DYNC1H1: variants seen among roughly 807,000 people sequenced by gnomAD.
The protein encoded by DYNC1H1 is dynein cytoplasmic 1 heavy chain 1, also known as cytoplasmic dynein 1 heavy chain 1.
In DYNC1H1, 51 loss-of-function variants were observed where a neutral mutation model predicts 527.1. That is an observed-to-expected ratio of 0.10 (90% CI 0.08 to 0.12). The LOEUF is 0.12. Ranked by LOEUF, DYNC1H1 falls within the 10% of genes least tolerant of loss-of-function variation. The probability of loss-of-function intolerance (pLI) is 1.00; values close to 1 mark genes in which losing one functional copy is unlikely to be tolerated. For missense variants in DYNC1H1, 2,771 were observed against 5,971.8 expected (o/e 0.46, Z 17.66); for synonymous variants, 2,189 against 2,278.8 (o/e 0.96, Z 1.12).
intron 7 of DYNC1H1, among the ~76,000 whole-genome samples, chr14:101,984,932 CAAAA>C (rs773102943): frequency 5.0e-5 from 2 of 40,154 alleles, no homozygotes; most frequent in South Asian, 1.1e-3. Context: ...GGCTCCGTCT[CAAAA>C]AAAAAAAAAA....
chr14:102,048,692 G>A, intron 74 of DYNC1H1, 23 bp downstream of exon 74: 1 of 1,611,280 alleles, frequency 6.2e-7, no homozygotes. Context: ...CCGAACTCGT[G>A]GTGTGGCTTC....
Position 102,018,949 on chromosome 14 carries a change from A to C in DYNC1H1, c.8343+333A>C, listed in dbSNP as rs2048354890. On this transcript the variant is annotated intron_variant, in intron 41 of 77. Coordinates refer to ENST00000360184, the MANE Select transcript of DYNC1H1 (RefSeq NM_001376.5). The surrounding 1 kb of genome is among the most constrained non-coding windows in gnomAD (Gnocchi z 5.2). ...GGGTGACAGAGTGAGACTCTACCTCAAAATAAAATGAGAAGTTTATTGAAA... is the reference window on the plus strand; with the variant it reads ...GGGTGACAGAGTGAGACTCTACCTCCAAATAAAATGAGAAGTTTATTGAAA... Among the ~76,000 whole-genome samples, 1 of 152,216 alleles carries C rather than the reference A, an allele frequency of 6.6e-6. No individual in the cohort carries two copies. The highest frequency in any genetic ancestry group is 2.4e-5 in the African/African-American group (1 of 41,456).
intron 15 of DYNC1H1, among the ~76,000 whole-genome samples, chr14:101,996,022 CCACTG>C (rs2048057500): frequency 6.6e-6 from 1 of 151,714 alleles, no homozygotes; most frequent in Admixed American, 6.6e-5. Flanking sequence ...TGAGATTGTG[CCACTG>C]CACTCCAGCC....
chr14:101,993,851 C>T (rs140196734), intron 11 of DYNC1H1, among the ~76,000 whole-genome samples: 14 of 152,334 alleles, frequency 9.2e-5, no homozygotes, highest in African/African-American at 3.1e-4. Flanking sequence ...TCCCTGTGAG[C>T]AGGGATTTTT....
chr14:102,043,562 A>G, intron 69 of DYNC1H1: 6 of 396,632 alleles, frequency 1.5e-5, no homozygotes, highest in Non-Finnish European at 1.9e-5. Context: ...GAGGAGGGGG[A>G]TTGTGGCAGG....
rs1402797299 is a variant in DYNC1H1, at chr14:101,965,472, G to C, written c.256+525G>C. ...CTGGGGGCAGCCGGGGTTCTGGTTC[G>C]GGAGGAGGTCGGGCGGGTGTCCCAG... On this transcript the variant is annotated intron_variant, in intron 1 of 77. Transcript: ENST00000360184. The surrounding 1 kb of genome is among the most constrained non-coding windows in gnomAD (Gnocchi z 4.1). Among the ~76,000 whole-genome samples, 1 of 152,242 alleles carries C rather than the reference G, an allele frequency of 6.6e-6. No individual in the cohort carries two copies. Among genetic ancestry groups the C allele is most frequent in the African/African-American group, 2.4e-5 (1 of 41,480 alleles).
In DYNC1H1 at chr14:102,016,185, C is replaced by T. The variant is rs1280749741; in HGVS notation, c.7473+99C>T. The stretch of plus-strand genomic sequence containing the variant: ...GCACCTGTGGGGATGTGCGCTCTCT[C>T]CTAGGCGAGGCAGAGCCTTCGTTGA... On this transcript the variant is annotated intron_variant, in intron 36 of 77. Transcript: ENST00000360184. The surrounding 1 kb of genome is among the most constrained non-coding windows in gnomAD (Gnocchi z 7.3). The T allele has an allele frequency of 6.6e-6, 10 of 1,518,452 alleles. No individual in the cohort carries two copies. The highest frequency in any genetic ancestry group is 8.9e-6 in the Non-Finnish European group (10 of 1,119,754). The allele number at this position is 1,518,452 out of a possible 1,614,324, so 94.1% of individuals were successfully genotyped here. A position where few individuals can be genotyped will look rare whatever the true frequency, so the allele number is the denominator to read the frequency against.
chr14:102,001,410 T>C lies in DYNC1H1; in HGVS notation c.4395+56T>C. ...GTTGTGTTTCGGGCTGTTACATAGA[T>C]CTGAGCTATGTAAAAATGGAGCCTT... On this transcript the variant is annotated intron_variant, in intron 20 of 77. Transcript: ENST00000360184. This position sits in a 1 kb window ranked among gnomAD's most constrained non-coding sequence, Gnocchi z 5.0. 6.2e-7 allele frequency: 1 copy of C among 1,613,420 alleles called. No individual in the cohort carries two copies. The highest frequency in any genetic ancestry group is 1.1e-5 in the South Asian group (1 of 90,970).
rs776988022 is a variant in DYNC1H1 at position 102,016,126 on chromosome 14, G to A, written c.7473+40G>A. On this transcript the variant is annotated intron_variant, in intron 36 of 77. Coordinates refer to ENST00000360184, the MANE Select transcript of DYNC1H1 (RefSeq NM_001376.5). This position sits in a 1 kb window ranked among gnomAD's most constrained non-coding sequence, Gnocchi z 7.3. ...GGGGCTTCACAGAGCTCACCACTGC[G>A]CCAGACCACAGGTCTGAGGACCTCT... 32 of 1,567,576 alleles carry A rather than the reference G, an allele frequency of 2.0e-5. No individual in the cohort carries two copies. Among genetic ancestry groups the A allele is most frequent in the Admixed American group, 1.9e-4 (10 of 53,310 alleles).
rs561083961 is a variant in DYNC1H1 at position 101,965,015 on chromosome 14, C to T, written c.256+68C>T. 88 of 1,501,488 alleles carry T rather than the reference C, an allele frequency of 5.9e-5. No individual in the cohort carries two copies. The highest frequency in any genetic ancestry group is 3.9e-5 in the Non-Finnish European group (43 of 1,114,944). 93.0% of individuals were successfully genotyped at this position (1,501,488 alleles called of 1,614,324 possible). On this transcript the variant is annotated intron_variant, in intron 1 of 77. Coordinates refer to ENST00000360184, the MANE Select transcript of DYNC1H1 (RefSeq NM_001376.5). The surrounding 1 kb of genome is among the most constrained non-coding windows in gnomAD (Gnocchi z 4.1). ...CGGAATGCAGGGCCTGCCAGGTCCT[C>T]CGGGGTCGCAGATGTCCCCGGGATG... is the stretch of plus-strand genomic sequence containing the variant.
At chr14:102,048,849 A>G (rs1320093638) in intron 74 of DYNC1H1, 180 bp downstream of exon 74, 1 of 760,494 alleles carries the variant, frequency 1.3e-6, no homozygotes, top group African/African-American at 1.8e-5. Flanking sequence ...AGAAATGCTG[A>G]AGAATTTGTT....
chr14:102,054,871 C>G lies in DYNC1H1; in HGVS notation c.*4308C>G, dbSNP rs1397093183. On this transcript the variant is annotated 3_prime_UTR_variant, in exon 78 of 78. Coordinates refer to ENST00000360184, the MANE Select transcript of DYNC1H1 (RefSeq NM_001376.5). ...GGCATGAGCCACCACTCCTGGCCCT[C>G]TTGTATTTTTTTGTAGAGACAGGGT... 2 of 151,348 alleles carry G rather than the reference C, an allele frequency of 1.3e-5. No homozygotes were observed. Among genetic ancestry groups the G allele is most frequent in the Non-Finnish European group, 2.9e-5 (2 of 67,966 alleles). 9.4% of individuals were successfully genotyped at this position (151,348 alleles called of 1,614,324 possible).
At chr14:101,984,881 C>T (rs140107327) in intron 7 of DYNC1H1, among the ~76,000 whole-genome samples, 4,116 of 141,002 alleles carry the variant, frequency 0.029, 133 homozygotes, top group African/African-American at 0.086. Context: ...TGCAGTGAGC[C>T]GAGATCGCGC....
intron 29 of DYNC1H1, chr14:102,009,480 CCAGT>C (rs1481121553): frequency 6.7e-6 from 2 of 300,512 alleles, no homozygotes; most frequent in East Asian, 1.8e-4. Flanking sequence ...ATGATGTAAG[CCAGT>C]CAGTGTCGCG....
intron 2 of DYNC1H1, among the ~76,000 whole-genome samples, 177 bp downstream of exon 2, chr14:101,975,976 C>T (rs1310108270): frequency 6.6e-6 from 1 of 150,642 alleles, no homozygotes; most frequent in Admixed American, 6.6e-5. Flanking sequence ...GGCGCGATCT[C>T]GGCTCACTGC....
intron 56 of DYNC1H1, chr14:102,034,918 T>G: frequency 5.2e-6 from 1 of 192,442 alleles, no homozygotes; most frequent in South Asian, 7.3e-5. Context: ...AGAGTGAGAA[T>G]CCATCTCAAA....
intron 56 of DYNC1H1, chr14:102,035,396 A>G (rs1432035083): frequency 3.9e-5 from 6 of 152,304 alleles, no homozygotes; most frequent in Non-Finnish European, 7.3e-5. Flanking sequence ...TGCAGTGAAG[A>G]TGGGCTAGGT....
chr14:102,052,951 G>A lies in DYNC1H1; in HGVS notation c.*2388G>A, dbSNP rs549523944. ...CCAGAGAACAGTCGTTGCAGCTCCA[G>A]TTGGAATGACTGGGGGTGTCTTCCG... On this transcript the variant is annotated 3_prime_UTR_variant, in exon 78 of 78. Transcript: ENST00000360184. 1 of 152,290 alleles carries A rather than the reference G, an allele frequency of 6.6e-6. No homozygotes were observed. Among genetic ancestry groups the A allele is most frequent in the Admixed American group, 6.5e-5 (1 of 15,288 alleles). 9.4% of individuals were successfully genotyped at this position (152,290 alleles called of 1,614,324 possible).
rs898083162 is a variant in DYNC1H1, at chr14:102,010,075, C to T, written c.6210C>T (p.Val2070=). Residue 2070 remains valine (V), a synonymous_variant, in exon 30 of 78, where the codon GTC becomes GTT. Transcript: ENST00000360184. The surrounding 1 kb of genome is among the most constrained non-coding windows in gnomAD (Gnocchi z 6.0). ...RTAEVLANKI[V]PFFKLCDEQL... The stretch of plus-strand genomic sequence containing the variant: ...CTGAAGTGCTTGCCAACAAAATCGT[C>T]CCGTTTTTTAAGTAAGTAGCCTAGA... 6 of 1,613,550 alleles carry T rather than the reference C, an allele frequency of 3.7e-6. No individual in the cohort carries two copies. The African/African-American group carries it at 6.7e-5, about 18-fold the overall frequency.
Sources: allele counts gnomAD v4.1 joint callset (sites outside exome capture counted in the v4.1 genomes callset), GRCh38; gene constraint gnomAD v4.1.1; non-coding constraint Gnocchi (gnomAD v3.1); transcripts MANE v1.5; gene names NCBI Gene and HGNC (gene_info 2026-07-23, HGNC 2026-07-21).